LPO: variants seen among roughly 807,000 people sequenced by gnomAD.
LPO encodes the protein salivary peroxidase.
LPO carries 70 observed loss-of-function variants against 68.4 expected under a neutral mutation model. That is an observed-to-expected ratio of 1.02 (90% CI 0.84 to 1.25). The LOEUF is 1.25. Ranked by LOEUF, LPO falls within the 50% of genes most tolerant of loss-of-function variation. LPO has a pLI of 0.00. For missense variants in LPO, 873 were observed against 908.4 expected (o/e 0.96, Z 0.50); for synonymous variants, 360 against 357.6 (o/e 1.01, Z -0.08).
chr17:58,262,503 C>G (rs546120693), intron 9 of LPO, among the ~76,000 whole-genome samples: 1 of 152,356 alleles, frequency 6.6e-6, no homozygotes, highest in Admixed American at 6.5e-5. Context: ...GATTCTCTTG[C>G]CTCAGCCTCC....
intron 8 of LPO, among the ~76,000 whole-genome samples, chr17:58,254,093 C>T (rs1293653500): frequency 6.6e-6 from 1 of 151,244 alleles, no homozygotes; most frequent in African/African-American, 2.4e-5. Flanking sequence ...GCCTGGGCAA[C>T]AGAGCAAGAC....
chr17:58,252,930 G>A (rs923479148), intron 8 of LPO, among the ~76,000 whole-genome samples: 5 of 140,026 alleles, frequency 3.6e-5, no homozygotes, highest in African/African-American at 1.1e-4. Context: ...GGCTGAGGTA[G>A]AAGAATCACC....
At chr17:58,243,893 G>A in intron 2 of LPO, 101 bp from the exon 3 acceptor site, 1 of 757,422 alleles carries the variant, frequency 1.3e-6, no homozygotes, top group East Asian at 2.6e-5. Context: ...CAGATTTGAG[G>A]GGTGGGGGTA....
chr17:58,250,754 T>C (rs1969945461), intron 7 of LPO, 133 bp downstream of exon 7: 2 of 844,816 alleles, frequency 2.4e-6, no homozygotes, highest in Non-Finnish European at 3.8e-6. Flanking sequence ...GCCTCACGTG[T>C]CCATTCGTTC....
At position 58,250,552 on chromosome 17, in the gene LPO, G is replaced by T. The variant is rs1969939703; in HGVS notation, c.711G>T (p.Gly237=). ...DLDFAPDTEL[G]SSEYSKAQCD... The stretch of plus-strand genomic sequence containing the variant: ...ACTTTGCCCCTGACACCGAGCTGGG[G>T]AGTAGCGAGTACTCCAAAGCCCAGT... Residue 237 remains glycine (G), a synonymous_variant, in exon 7 of 13, where the codon GGG becomes GGT. Coordinates refer to ENST00000262290, the MANE Select transcript of LPO (RefSeq NM_006151.3). 6.2e-7 allele frequency: 1 copy of T among 1,614,026 alleles called. No individual in the cohort carries two copies. The highest frequency in any genetic ancestry group is 8.5e-7 in the Non-Finnish European group (1 of 1,180,038).
At chr17:58,260,771 G>A (rs894478354) in intron 9 of LPO, among the ~76,000 whole-genome samples, 3 of 152,068 alleles carry the variant, frequency 2.0e-5, no homozygotes, top group Non-Finnish European at 2.9e-5. Flanking sequence ...AATGTATTTA[G>A]TACTATAAAT....
chr17:58,239,198 G>A (rs1027841259), intron 1 of LPO, among the ~76,000 whole-genome samples: 1 of 151,080 alleles, frequency 6.6e-6, no homozygotes, highest in Non-Finnish European at 1.5e-5. Context: ...GGTTCCCTAA[G>A]CCGGAGCTGT....
chr17:58,261,750 T>G (rs188833311), intron 9 of LPO, among the ~76,000 whole-genome samples: 84 of 152,340 alleles, frequency 5.5e-4, no homozygotes, highest in South Asian at 3.7e-3. Flanking sequence ...ATTGAACATT[T>G]TTTAGAGGTC....
chr17:58,256,908 A>G (rs931237652), intron 9 of LPO, among the ~76,000 whole-genome samples: 3 of 151,566 alleles, frequency 2.0e-5, no homozygotes, highest in African/African-American at 7.3e-5. Context: ...TTACACTCTT[A>G]AGTTATTTGA....
intron 8 of LPO, 122 bp downstream of exon 8, chr17:58,252,628 C>A: frequency 2.1e-6 from 2 of 957,490 alleles, no homozygotes; most frequent in Non-Finnish European, 3.1e-6. Context: ...CTGTCCCTAG[C>A]AGTGGTCCAG....
intron 4 of LPO, 121 bp downstream of exon 4, chr17:58,247,759 C>A: frequency 2.7e-6 from 3 of 1,128,226 alleles, no homozygotes; most frequent in South Asian, 1.6e-5. Context: ...ACACTCCTGT[C>A]TCTCCCTTCT....
In LPO at chr17:58,267,822, A is replaced by G. The variant is rs1970302168; in HGVS notation, c.1967A>G (p.Glu656Gly). The G allele has an allele frequency of 6.2e-7, 1 of 1,614,030 alleles. No individual in the cohort carries two copies. The highest frequency in any genetic ancestry group is 1.3e-5 in the African/African-American group (1 of 74,908). Residue 656 changes from glutamate (E) to glycine (G), a missense_variant, in exon 13 of 13, where the codon GAG becomes GGG. Glu to Gly is a moderately conservative substitution (Grantham distance 98, BLOSUM62 -2). Transcript: ENST00000262290. ...WWENPGVFTN[E>G]QKDSLQKMSF... The stretch of plus-strand genomic sequence containing the variant: ...GAAAACCCTGGGGTCTTCACGAACG[A>G]GCAGAAGGACTCTCTACAGAAAATG...
chr17:58,255,022 T>C, intron 9 of LPO, 51 bp downstream of exon 9: 1 of 1,593,596 alleles, frequency 6.3e-7, no homozygotes, highest in Non-Finnish European at 8.6e-7. Flanking sequence ...CTCCCACTCC[T>C]GGCTCTGCCC....
intron 1 of LPO, among the ~76,000 whole-genome samples, chr17:58,239,664 T>C (rs1027491076): frequency 6.6e-6 from 1 of 152,098 alleles, no homozygotes; most frequent in Admixed American, 6.5e-5. Flanking sequence ...CCCTATCTCC[T>C]TGGTGACTGC....
Position 58,268,187 on chromosome 17 carries a change from C to A in LPO, c.*193C>A. 2 of 595,552 alleles carry A rather than the reference C, an allele frequency of 3.4e-6. No homozygotes were observed. The highest frequency in any genetic ancestry group is 4.0e-5 in the South Asian group (2 of 49,918). 36.9% of individuals were successfully genotyped at this position (595,552 alleles called of 1,614,324 possible). On this transcript the variant is annotated 3_prime_UTR_variant, in exon 13 of 13. Transcript: ENST00000262290. ...CGGCCCTCCCAGCTCTTACACTCAG[C>A]TCCAGTGGCTTCTCCTTTCTGTCAA... is the stretch of plus-strand genomic sequence containing the variant.
intron 9 of LPO, among the ~76,000 whole-genome samples, chr17:58,263,543 A>T (rs560499021): frequency 1.4e-3 from 212 of 152,318 alleles, no homozygotes; most frequent in African/African-American, 4.9e-3. Context: ...GTTCAAGACC[A>T]GCTTGGCTAA....
chr17:58,262,953 C>T (rs527961999), intron 9 of LPO, among the ~76,000 whole-genome samples: 48 of 152,272 alleles, frequency 3.2e-4, no homozygotes, highest in African/African-American at 9.1e-4. Flanking sequence ...TCTGGAACTC[C>T]ATTGATATGA....
rs752673208 is a variant in LPO at position 58,250,621 on chromosome 17, G to C, written c.780G>C (p.Met260Ile). The C allele has an allele frequency of 1.2e-6, 2 of 1,613,786 alleles. No homozygotes were observed. The highest frequency in any genetic ancestry group is 2.7e-5 in the African/African-American group (2 of 75,010). Residue 260 changes from methionine (M) to isoleucine (I), a missense_variant and splice_region_variant, in exon 7 of 13, where the codon ATG (methionine) becomes ATC (isoleucine). By Grantham distance (10) the Met-to-Ile change is conservative. Transcript: ENST00000262290. Reference protein sequence around the residue: ...CIQGDNCFPIMFPPNDPKAGT... With the variant: ...CIQGDNCFPIIFPPNDPKAGT... ...AGGGAGACAACTGCTTCCCCATCAT[G>C]GTACGGCCCTGCAGCTAGGCATCTC...
chr17:58,257,291 C>T (rs1188906359), intron 9 of LPO, among the ~76,000 whole-genome samples: 2 of 152,108 alleles, frequency 1.3e-5, no homozygotes, highest in African/African-American at 2.4e-5. Context: ...CACAGCCCCT[C>T]ATTACCCTTC....
Sources: allele counts gnomAD v4.1 joint callset (sites outside exome capture counted in the v4.1 genomes callset), GRCh38; gene constraint gnomAD v4.1.1; transcripts MANE v1.5; gene names NCBI Gene and HGNC (gene_info 2026-07-23, HGNC 2026-07-21).